The following INTS2 variants were observed in gnomAD, a reference collection of about 807,000 sequenced individuals.
INTS2 encodes the protein KIAA1287.
A neutral mutation model predicts 139.6 loss-of-function variants in INTS2; 57 were observed. The ratio of observed to expected loss-of-function variants is 0.41; its 90% confidence interval spans 0.33 to 0.51. The LOEUF is 0.51. Among genes scored for constraint, INTS2 ranks in the 20% least tolerant of loss-of-function variants. The pLI, the probability that INTS2 is intolerant of heterozygous loss-of-function variation, is 0.28. For synonymous variants in INTS2, 473 were observed against 493.4 expected, an observed-to-expected ratio of 0.96 and a Z score of 0.55; for missense variants, 1,196 against 1,436.7, an observed-to-expected ratio of 0.83 and a Z score of 2.71.
chr17:61,876,281 C>T lies in INTS2; in HGVS notation c.2457-1243G>A, dbSNP rs1388562325. 3.9e-5 allele frequency among the ~76,000 whole-genome samples: 6 copies of T among 152,096 alleles called. No homozygotes were observed. The highest frequency in any genetic ancestry group is 1.2e-4 in the African/African-American group (5 of 41,490). ...AGCATCTCAAAAAAGTTAAGTTTAC[C>T]ACACTCTCTTTCTCAGGAAGCGAGA... On this transcript the variant is annotated intron_variant, in intron 18 of 24. Transcript: ENST00000251334. The surrounding 1 kb of genome is among the most constrained non-coding windows in gnomAD (Gnocchi z 4.1).
chr17:61,923,809 C>T (rs2079678507), intron 3 of INTS2, among the ~76,000 whole-genome samples: 1 of 152,108 alleles, frequency 6.6e-6, no homozygotes, highest in Non-Finnish European at 1.5e-5. Flanking sequence ...TGCACCACCA[C>T]TCCTGGCTAA....
intron 2 of INTS2, 82 bp from the exon 3 acceptor site, chr17:61,925,181 A>G: frequency 7.9e-7 from 1 of 1,259,142 alleles, no homozygotes; most frequent in Non-Finnish European, 1.1e-6. Flanking sequence ...TATTGAAATA[A>G]GCTATAAAAG....
At position 61,897,762 on chromosome 17, in the gene INTS2, T is replaced by C. The variant is rs1393600764; in HGVS notation, c.1308-23A>G. 4.0e-6 allele frequency: 6 copies of C among 1,495,928 alleles called. No individual in the cohort carries two copies. The highest frequency in any genetic ancestry group is 1.4e-5 in the African/African-American group (1 of 72,488). 92.7% of individuals were successfully genotyped at this position (1,495,928 alleles called of 1,614,324 possible). On this transcript the variant is annotated intron_variant, in intron 9 of 24. Transcript: ENST00000251334. This position sits in a 1 kb window ranked among gnomAD's most constrained non-coding sequence, Gnocchi z 4.4. The stretch of plus-strand genomic sequence containing the variant: ...GTACTATATAAAATATACCAGAATG[T>C]CACTGGTTTAAATTAGATATACTAG...
intron 11 of INTS2, among the ~76,000 whole-genome samples, chr17:61,896,816 T>A (rs2079354713): frequency 6.6e-6 from 1 of 152,172 alleles, no homozygotes; most frequent in African/African-American, 2.4e-5. Flanking sequence ...ACGGTAAGAG[T>A]TAAACTGATA....
intron 17 of INTS2, among the ~76,000 whole-genome samples, chr17:61,878,649 T>C (rs903128644): frequency 2.0e-5 from 3 of 149,950 alleles, no homozygotes. Context: ...TTTTTAAAAA[T>C]CACATTAATG....
In INTS2 at chr17:61,872,113, G is replaced by A. The variant is rs1448763849; in HGVS notation, c.2778+152C>T. The A allele has an allele frequency of 2.1e-6, 1 of 469,518 alleles. No individual in the cohort carries two copies. Among genetic ancestry groups the A allele is most frequent in the African/African-American group, 1.9e-5 (1 of 51,690 alleles). The allele number at this position is 469,518 out of a possible 1,614,324, so 29.1% of individuals were successfully genotyped here. On this transcript the variant is annotated intron_variant, in intron 20 of 24. Coordinates refer to ENST00000251334, the MANE Select transcript of INTS2 (RefSeq NM_001351695.2). This position sits in a 1 kb window ranked among gnomAD's most constrained non-coding sequence, Gnocchi z 4.8. ...AACATATCTGATACTCAGAAGCAAA[G>A]GTAACATCATTGTAATAGATTCTAT...
Position 61,901,367 on chromosome 17 carries a change from A to C in INTS2, c.1307+3093T>G, listed in dbSNP as rs529479481. 2.6e-5 allele frequency among the ~76,000 whole-genome samples: 4 copies of C among 151,562 alleles called. No homozygotes were observed. In the East Asian group the frequency reaches 7.7e-4, roughly 29 times the overall value. On this transcript the variant is annotated intron_variant, in intron 9 of 24. Coordinates refer to ENST00000251334, the MANE Select transcript of INTS2 (RefSeq NM_001351695.2). ...AATAGAGACCCAAAAAAGGCAGGGA[A>C]AAAAAGCAGCTTAGAGAAAAGAAGC...
intron 2 of INTS2, among the ~76,000 whole-genome samples, chr17:61,925,524 C>A (rs2079701657): frequency 6.6e-6 from 1 of 151,900 alleles, no homozygotes; most frequent in African/African-American, 2.4e-5. Flanking sequence ...TTGCAGTGAG[C>A]CGAGATCACG....
Position 61,868,158 on chromosome 17 carries a change from T to C in INTS2, c.3245-149A>G. ...CGTCTTCAGAAAGCTCACAATCTAG[T>C]AGTCTCAGTCTTTATCCAAGATACA... On this transcript the variant is annotated intron_variant, in intron 23 of 24. Transcript: ENST00000251334. This position sits in a 1 kb window ranked among gnomAD's most constrained non-coding sequence, Gnocchi z 4.7. 1.8e-6 allele frequency: 1 copy of C among 564,542 alleles called. No homozygotes were observed. The highest frequency in any genetic ancestry group is 3.8e-5 in the Admixed American group (1 of 26,468). 35.0% of individuals were successfully genotyped at this position (564,542 alleles called of 1,614,324 possible).
rs1374495372 is a variant in INTS2, at chr17:61,871,194, C to T, written c.2778+1071G>A. The stretch of plus-strand genomic sequence containing the variant: ...GTAGTGCAGAGGCACGATCTCAGCT[C>T]ACTGCAACCTCCGCCTCCCGGGTTC... On this transcript the variant is annotated intron_variant, in intron 20 of 24. Transcript: ENST00000251334. The surrounding 1 kb of genome is among the most constrained non-coding windows in gnomAD (Gnocchi z 4.9). 6.6e-6 allele frequency among the ~76,000 whole-genome samples: 1 copy of T among 152,168 alleles called. No homozygotes were observed. The highest frequency in any genetic ancestry group is 6.5e-5 in the Admixed American group (1 of 15,286).
Position 61,898,717 on chromosome 17 carries a change from G to A in INTS2, c.1308-978C>T, listed in dbSNP as rs559931267. 6.6e-5 allele frequency among the ~76,000 whole-genome samples: 10 copies of A among 152,270 alleles called. No homozygotes were observed. The South Asian group carries it at 1.9e-3, about 28-fold the overall frequency. ...CAACCTCCGCCTCCCGGGTTCAAGC[G>A]ATTCTCCTACCTCAGCCTCCCGAAT... On this transcript the variant is annotated intron_variant, in intron 9 of 24. Transcript: ENST00000251334.
rs1177435942 is a variant in INTS2, at chr17:61,872,843, A to T, written c.2583-383T>A. Among the ~76,000 whole-genome samples, 1 of 152,216 alleles carries T rather than the reference A, an allele frequency of 6.6e-6. No individual in the cohort carries two copies. Among genetic ancestry groups the T allele is most frequent in the African/African-American group, 2.4e-5 (1 of 41,452 alleles). On this transcript the variant is annotated intron_variant, in intron 19 of 24. Coordinates refer to ENST00000251334, the MANE Select transcript of INTS2 (RefSeq NM_001351695.2). This position sits in a 1 kb window ranked among gnomAD's most constrained non-coding sequence, Gnocchi z 4.8. ...AAAAAATATAGGCTAAAATATAAAG[A>T]TGAAATAAATGGCCAGTAAATACTG...
rs1040209354 is a variant in INTS2 at position 61,875,150 on chromosome 17, A to G, written c.2457-112T>C. 14 of 731,414 alleles carry G rather than the reference A, an allele frequency of 1.9e-5. No individual in the cohort carries two copies. The highest frequency in any genetic ancestry group is 5.5e-5 in the African/African-American group (3 of 54,334). The allele number at this position is 731,414 out of a possible 1,614,324, so 45.3% of individuals were successfully genotyped here. On this transcript the variant is annotated intron_variant, in intron 18 of 24. Coordinates refer to ENST00000251334, the MANE Select transcript of INTS2 (RefSeq NM_001351695.2). The surrounding 1 kb of genome is among the most constrained non-coding windows in gnomAD (Gnocchi z 4.6). ...TATTCAGTAAATAATTAGAAAATACATATGAATGAACTTTGAAAAAATTTA... is the reference window on the plus strand; with the variant it reads ...TATTCAGTAAATAATTAGAAAATACGTATGAATGAACTTTGAAAAAATTTA...
chr17:61,906,830 CAA>C (rs60672452), intron 8 of INTS2, among the ~76,000 whole-genome samples: 248 of 101,886 alleles, frequency 2.4e-3, no homozygotes, highest in African/African-American at 5.8e-3. Context: ...ACTAAAAATA[CAA>C]AAAAAAAAAA....
At chr17:61,878,952 A>AC (rs2079152077) in intron 17 of INTS2, among the ~76,000 whole-genome samples, 4 of 148,860 alleles carry the variant, frequency 2.7e-5, no homozygotes, top group African/African-American at 5.1e-5. Flanking sequence ...AAAAAAAAAA[A>AC]AACACTTTAC....
chr17:61,911,295 T>C (rs975589262), intron 7 of INTS2: 2 of 451,888 alleles, frequency 4.4e-6, no homozygotes, highest in Non-Finnish European at 7.7e-6. Context: ...ATATTTCAAA[T>C]ATTTAAGTGT....
intron 14 of INTS2, among the ~76,000 whole-genome samples, chr17:61,890,688 A>G (rs1457719690): frequency 1.3e-5 from 2 of 151,686 alleles, no homozygotes; most frequent in Admixed American, 6.6e-5. Context: ...CCTATGCTGA[A>G]TATCTTGATA....
chr17:61,874,880 C>G, intron 19 of INTS2, 33 bp downstream of exon 19: 1 of 1,505,934 alleles, frequency 6.6e-7, no homozygotes, highest in Non-Finnish European at 8.9e-7. Flanking sequence ...AAGTACAGCT[C>G]TATAATAAAA....
chr17:61,885,994 C>CT (rs2079225091), intron 15 of INTS2, among the ~76,000 whole-genome samples: 1 of 152,006 alleles, frequency 6.6e-6, no homozygotes, highest in Non-Finnish European at 1.5e-5. Context: ...TCCCAAACTG[C>CT]TGGGATTACA....
Sources: gnomAD v4.1 joint callset for allele counts (sites outside exome capture counted in the v4.1 genomes callset) on GRCh38, gnomAD v4.1.1 for gene constraint, Gnocchi (gnomAD v3.1) non-coding constraint, MANE v1.5 for transcripts, NCBI Gene and HGNC (gene_info 2026-07-23, HGNC 2026-07-21) for gene names.